The following OR2L13 variants were observed in gnomAD, a reference collection of about 807,000 sequenced individuals.
OR2L13 encodes olfactory receptor 2L13.
A neutral mutation model predicts 15.3 loss-of-function variants in OR2L13; 14 were observed. The observed-to-expected ratio is 0.91, with a 90% CI of 0.60 to 1.43. The LOEUF is 1.43. Ranked by LOEUF, OR2L13 falls within the 40% of genes most tolerant of loss-of-function variation. The pLI is 0.00. For missense variants in OR2L13, 367 were observed against 387.9 expected, an observed-to-expected ratio of 0.95 and a Z score of 0.45; for synonymous variants, 152 against 142.9, an observed-to-expected ratio of 1.06 and a Z score of -0.45.
upstream of OR2L13, among the ~76,000 whole-genome samples, chr1:248,094,235 AAAC>A (rs1397722030): frequency 2.6e-5 from 4 of 152,180 alleles, no homozygotes; most frequent in Admixed American, 2.6e-4. Flanking sequence ...TAAAGGAAAA[AAAC>A]AAAGAACATG....
the OR2L13 span, among the ~76,000 whole-genome samples, chr1:247,965,082 T>C: frequency 2.0e-5 from 3 of 151,366 alleles, no homozygotes; most frequent in Admixed American, 2.0e-4. Flanking sequence ...TATATGTACA[T>C]ATACTTACAT....
At chr1:247,968,018 G>C in the OR2L13 span, among the ~76,000 whole-genome samples, 1 of 151,280 alleles carries the variant, frequency 6.6e-6, no homozygotes, top group Non-Finnish European at 1.5e-5. Context: ...TCATTACTGT[G>C]TATCATATCA....
chr1:248,022,361 A>G, the OR2L13 span: 2 of 1,614,134 alleles, frequency 1.2e-6, no homozygotes, highest in Non-Finnish European at 1.7e-6. Flanking sequence ...TGAGCAAAAG[A>G]ATGTATGTGC....
chr1:248,005,581 C>T, the OR2L13 span, among the ~76,000 whole-genome samples: 2 of 152,164 alleles, frequency 1.3e-5, no homozygotes, highest in Admixed American at 1.3e-4. Context: ...TATTTATGTG[C>T]AGAATGTCAT....
At chr1:248,081,177 T>C in the OR2L13 span, among the ~76,000 whole-genome samples, 1 of 152,126 alleles carries the variant, frequency 6.6e-6, no homozygotes, top group African/African-American at 2.4e-5. Context: ...TATTAAGAAA[T>C]TAAGAGTAGA....
the OR2L13 span, among the ~76,000 whole-genome samples, chr1:247,953,259 A>G: frequency 3.3e-5 from 5 of 152,090 alleles, no homozygotes; most frequent in Non-Finnish European, 7.4e-5. Context: ...CGTTTTAGCC[A>G]TTGTTCTTTG....
At chr1:248,022,701 G>A in the OR2L13 span, 7 of 1,614,002 alleles carry the variant, frequency 4.3e-6, no homozygotes, top group Non-Finnish European at 5.9e-6. Flanking sequence ...TTTCTACTAT[G>A]CACCCTTTGC....
the OR2L13 span, among the ~76,000 whole-genome samples, chr1:248,066,569 A>C: frequency 6.6e-6 from 1 of 152,246 alleles, no homozygotes. Context: ...TGTTGGACTG[A>C]GGTCAATTTG....
chr1:248,062,813 A>G, the OR2L13 span: 1 of 152,204 alleles, frequency 6.6e-6, no homozygotes, highest in African/African-American at 2.4e-5. Flanking sequence ...ATCATTATGC[A>G]TTGTATGCCT....
chr1:248,055,143 C>G, the OR2L13 span, among the ~76,000 whole-genome samples: 1 of 152,042 alleles, frequency 6.6e-6, no homozygotes, highest in Non-Finnish European at 1.5e-5. Flanking sequence ...GAGTTTTTAA[C>G]ATGAAGGGAA....
At chr1:248,065,414 T>C in the OR2L13 span, among the ~76,000 whole-genome samples, 1 of 150,294 alleles carries the variant, frequency 6.7e-6, no homozygotes, top group African/African-American at 2.5e-5. Flanking sequence ...GTATCTTTCT[T>C]TTTTTTTTGC....
At chr1:248,022,616 T>A in the OR2L13 span, 1 of 1,614,046 alleles carries the variant, frequency 6.2e-7, no homozygotes, top group Non-Finnish European at 8.5e-7. Context: ...TTCTCCTTGC[T>A]GTCTACCGCA....
chr1:247,965,268 G>A, the OR2L13 span: 1 of 1,321,372 alleles, frequency 7.6e-7, no homozygotes, highest in Non-Finnish European at 1.0e-6. Flanking sequence ...AAACATGTAA[G>A]TGAATATTTA....
chr1:248,004,032 C>A, the OR2L13 span: 5 of 1,612,696 alleles, frequency 3.1e-6, no homozygotes, highest in Non-Finnish European at 4.2e-6. Context: ...GGGGCCCTGA[C>A]ACGAGTGAGT....
chr1:248,018,490 AT>A, the OR2L13 span, among the ~76,000 whole-genome samples: 1 of 152,204 alleles, frequency 6.6e-6, no homozygotes, highest in South Asian at 2.1e-4. Context: ...TATGAAAATA[AT>A]TTGTTCTTCT....
the OR2L13 span, among the ~76,000 whole-genome samples, chr1:247,993,035 G>T: frequency 4.8e-3 from 686 of 143,712 alleles, 3 homozygotes; most frequent in African/African-American, 0.017. Flanking sequence ...CCAGCATCTG[G>T]TGTTTTTTTT....
At chr1:248,085,064 C>G in the OR2L13 span, among the ~76,000 whole-genome samples, 1 of 152,142 alleles carries the variant, frequency 6.6e-6, no homozygotes, top group Non-Finnish European at 1.5e-5. Flanking sequence ...AAAGATTCTA[C>G]CTAATCAAGC....
the OR2L13 span, among the ~76,000 whole-genome samples, chr1:248,087,290 C>CTT: frequency 6.6e-6 from 1 of 152,108 alleles, no homozygotes; most frequent in African/African-American, 2.4e-5. Context: ...TCTGGGTAGA[C>CTT]ACAGACTGCA....
the OR2L13 span, among the ~76,000 whole-genome samples, chr1:248,064,110 T>C: frequency 6.6e-6 from 1 of 152,146 alleles, no homozygotes; most frequent in African/African-American, 2.4e-5. Flanking sequence ...CAGTCTAGGA[T>C]AGTGGTGGGA....
Sources: gnomAD v4.1 joint callset for allele counts (sites outside exome capture counted in the v4.1 genomes callset) on GRCh38, gnomAD v4.1.1 for gene constraint, MANE v1.5 for transcripts, NCBI Gene and HGNC (gene_info 2026-07-23, HGNC 2026-07-21) for gene names.